ACSS2: variants seen among roughly 807,000 people sequenced by gnomAD.
The protein encoded by ACSS2 is acyl-CoA synthetase short chain family member 2.
In ACSS2, 58 loss-of-function variants were observed where a neutral mutation model predicts 90.6. The observed-to-expected ratio is 0.64, with a 90% CI of 0.52 to 0.80. ACSS2 has a LOEUF of 0.80. Ranked by LOEUF, ACSS2 falls within the 30% of genes least tolerant of loss-of-function variation. The pLI is 0.00. For missense variants in ACSS2, 759 were observed against 912.0 expected, an observed-to-expected ratio of 0.83 and a Z score of 2.16; for synonymous variants, 300 against 330.9, an observed-to-expected ratio of 0.91 and a Z score of 1.01.
In ACSS2 at chr20:34,920,695, G is replaced by C. The variant is rs749720668; in HGVS notation, c.1129G>C (p.Ala377Pro). Residue 377 changes from alanine to proline, a missense_variant, in exon 9 of 18, where the codon GCC (alanine) becomes CCC (proline). Ala to Pro is a conservative substitution (Grantham distance 27). Transcript: ENST00000360596. Reference sequence around the variant, plus strand: ...CACCTATGGGCCACTGGCCAATGGTGCCACCAGTGTTTTGGTGAGAAGGGA... The same window carrying C: ...CACCTATGGGCCACTGGCCAATGGTCCCACCAGTGTTTTGGTGAGAAGGGA... ...YVTYGPLANG[A>P]TSVLFEGIPT... 29 of 1,612,294 alleles carry C rather than the reference G, an allele frequency of 1.8e-5. No homozygotes were observed. Among genetic ancestry groups the C allele is most frequent in the Middle Eastern group, 1.7e-4 (1 of 5,976 alleles).
At chr20:34,919,289 C>G (rs2081141036) in intron 7 of ACSS2, 146 bp from the exon 8 acceptor site, 1 of 1,289,038 alleles carries the variant, frequency 7.8e-7, no homozygotes, top group Non-Finnish European at 1.1e-6. Flanking sequence ...CCTGTTCTTT[C>G]TGTTCCATTC....
intron 15 of ACSS2, 100 bp downstream of exon 15, chr20:34,925,866 AC>A: frequency 1.5e-6 from 2 of 1,352,576 alleles, no homozygotes; most frequent in Non-Finnish European, 2.0e-6. Flanking sequence ...CTTTGGCCAG[AC>A]CATGTACTAA....
At chr20:34,908,589 C>CGGTG (rs2147060708) in intron 2 of ACSS2, 1 of 174,922 alleles carries the variant, frequency 5.7e-6, no homozygotes, top group African/African-American at 2.4e-5. Context: ...CAGCCAGGCA[C>CGGTG]GGTGGCTCAC....
At chr20:34,886,084 C>A (rs1601290679) in intron 2 of ACSS2, among the ~76,000 whole-genome samples, 1 of 151,802 alleles carries the variant, frequency 6.6e-6, no homozygotes, top group East Asian at 1.9e-4. Context: ...CCCTTTGTTG[C>A]CTCTATATTT....
chr20:34,899,384 TTC>T (rs1016899901), intron 2 of ACSS2, among the ~76,000 whole-genome samples: 35 of 125,322 alleles, frequency 2.8e-4, no homozygotes, highest in African/African-American at 1.1e-3. Flanking sequence ...TCACATTTTT[TTC>T]TTTCTTTCTT....
chr20:34,915,152 C>A (rs535258718), intron 7 of ACSS2: 2 of 1,569,772 alleles, frequency 1.3e-6, no homozygotes, highest in African/African-American at 2.7e-5. Flanking sequence ...CACACTGACC[C>A]TTTCCTCCCA....
At chr20:34,906,756 G>A (rs1442888497) in intron 2 of ACSS2, among the ~76,000 whole-genome samples, 1 of 152,056 alleles carries the variant, frequency 6.6e-6, no homozygotes, top group Non-Finnish European at 1.5e-5. Context: ...GCCGAGGCAG[G>A]CGGATCACCT....
At chr20:34,875,102 G>A, upstream of ACSS2, 2 of 534,782 alleles carry the variant, frequency 3.7e-6, no homozygotes, top group South Asian at 2.8e-5. Flanking sequence ...TCTGTGAAAT[G>A]ATGGTGAGGT....
upstream of ACSS2, chr20:34,876,493 CCTCTGGCACCGCCCA>C (rs1004862886): frequency 6.9e-6 from 6 of 872,902 alleles, no homozygotes; most frequent in African/African-American, 1.1e-4. Context: ...GGCCCCGCCC[CCTCTGGCACCGCCCA>C]CCCGCCAGAC....
intron 2 of ACSS2, among the ~76,000 whole-genome samples, chr20:34,905,898 A>G (rs2080788006): frequency 6.6e-6 from 1 of 152,222 alleles, no homozygotes; most frequent in Non-Finnish European, 1.5e-5. Flanking sequence ...TTGAGCTTGC[A>G]GCTCCTGGTG....
At chr20:34,908,920 T>C in intron 2 of ACSS2, 1 of 445,024 alleles carries the variant, frequency 2.2e-6, no homozygotes. Context: ...CTTCTGGTAA[T>C]TCATCCTACA....
chr20:34,923,289 C>A (rs776816539), intron 13 of ACSS2, 34 bp from the exon 14 acceptor site: 1 of 1,445,134 alleles, frequency 6.9e-7, no homozygotes, highest in Non-Finnish European at 9.7e-7. Context: ...GACAGCATAG[C>A]AAATGTGATC....
At chr20:34,920,056 C>G (rs1168985051) in intron 8 of ACSS2, among the ~76,000 whole-genome samples, 1 of 152,194 alleles carries the variant, frequency 6.6e-6, no homozygotes, top group Non-Finnish European at 1.5e-5. Context: ...TCTGCCCACT[C>G]CACCCCTAAA....
intron 2 of ACSS2, among the ~76,000 whole-genome samples, chr20:34,894,259 G>A (rs1448550504): frequency 1.3e-5 from 2 of 152,108 alleles, no homozygotes; most frequent in South Asian, 2.1e-4. Flanking sequence ...GGAGACTGAG[G>A]AGGGAGGATC....
intron 14 of ACSS2, 49 bp downstream of exon 14, chr20:34,923,480 T>C (rs1264338187): frequency 1.5e-6 from 2 of 1,311,644 alleles, no homozygotes. Flanking sequence ...GACATGTACC[T>C]TCCACTTCCA....
intron 2 of ACSS2, among the ~76,000 whole-genome samples, chr20:34,906,942 C>G (rs1190526152): frequency 7.6e-6 from 1 of 132,182 alleles, no homozygotes; most frequent in Non-Finnish European, 1.5e-5. Flanking sequence ...CGAGATCGCA[C>G]TATTGCACTC....
intron 7 of ACSS2, among the ~76,000 whole-genome samples, chr20:34,919,101 A>C (rs2081136920): frequency 6.6e-6 from 1 of 152,194 alleles, no homozygotes; most frequent in Non-Finnish European, 1.5e-5. Context: ...GCAATCTATC[A>C]GATACTGTTC....
upstream of ACSS2, chr20:34,875,173 C>T (rs765412196): frequency 3.7e-6 from 2 of 534,506 alleles, no homozygotes; most frequent in Non-Finnish European, 7.7e-6. Context: ...TGACTTCTTT[C>T]TGGGGTGGAG....
At chr20:34,900,196 A>T (rs2080617144) in intron 2 of ACSS2, among the ~76,000 whole-genome samples, 2 of 108,384 alleles carry the variant, frequency 1.8e-5, no homozygotes, top group Non-Finnish European at 1.7e-5. Context: ...TTTGAGACTG[A>T]GTCTCGCTCT....
Sources: allele counts gnomAD v4.1 joint callset (sites outside exome capture counted in the v4.1 genomes callset), GRCh38; gene constraint gnomAD v4.1.1; transcripts MANE v1.5; gene names NCBI Gene and HGNC (gene_info 2026-07-23, HGNC 2026-07-21).